The following BACH1 variants were observed in gnomAD, a reference collection of about 807,000 sequenced individuals.
BACH1 encodes the protein transcription regulator protein BACH1.
Under a neutral mutation model 52.9 loss-of-function variants are expected in BACH1, and 35 were observed. The observed-to-expected ratio is 0.66, with a 90% CI of 0.51 to 0.88. BACH1 has a LOEUF of 0.88. BACH1 is among the 40% of genes least tolerant of loss of function. The pLI, the probability that BACH1 is intolerant of heterozygous loss-of-function variation, is 0.00. For synonymous variants in BACH1, 321 were observed against 319.6 expected (o/e 1.00, Z -0.05); for missense variants, 808 against 872.6 (o/e 0.93, Z 0.93).
At chr21:29,359,888 T>C (rs572101619) in intron 2 of BACH1, among the ~76,000 whole-genome samples, 1 of 152,178 alleles carries the variant, frequency 6.6e-6, no homozygotes, top group African/African-American at 2.4e-5. Context: ...ATCATTGCTC[T>C]GCTCACCTGT....
intron 2 of BACH1, among the ~76,000 whole-genome samples, chr21:29,358,764 G>GAA (rs376734947): frequency 3.0e-5 from 2 of 65,706 alleles, no homozygotes; most frequent in African/African-American, 5.6e-5. Flanking sequence ...GAAAAGAAAA[G>GAA]AAAAGAAAAG....
At chr21:29,304,539 A>G (rs1007669911) in intron 1 of BACH1, among the ~76,000 whole-genome samples, 2 of 152,136 alleles carry the variant, frequency 1.3e-5, no homozygotes, top group African/African-American at 4.8e-5. Flanking sequence ...TCCCTCATTA[A>G]AGTGGAATTA....
chr21:29,319,296 A>C (rs573805844), intron 1 of BACH1, among the ~76,000 whole-genome samples: 4 of 152,318 alleles, frequency 2.6e-5, no homozygotes, highest in African/African-American at 9.6e-5. Context: ...GATATCTATG[A>C]GACAGGGTCT....
intron 1 of BACH1, among the ~76,000 whole-genome samples, chr21:29,304,915 A>T (rs1037778184): frequency 2.6e-5 from 4 of 152,368 alleles, no homozygotes; most frequent in Admixed American, 1.3e-4. Flanking sequence ...GTTATAAAAT[A>T]TGTGGCTATA....
At chr21:29,332,371 A>G (rs977444805) in intron 4 of BACH1, among the ~76,000 whole-genome samples, 1 of 152,210 alleles carries the variant, frequency 6.6e-6, no homozygotes, top group African/African-American at 2.4e-5. Flanking sequence ...TTAATTTTCA[A>G]TACAAAGTAA....
intron 1 of BACH1, among the ~76,000 whole-genome samples, chr21:29,309,525 C>A (rs1291912813): frequency 6.6e-6 from 1 of 152,120 alleles, no homozygotes; most frequent in Admixed American, 6.6e-5. Flanking sequence ...TAAATTATTG[C>A]CCTTCTCAAG....
chr21:29,332,131 T>C (rs541001574), intron 4 of BACH1, among the ~76,000 whole-genome samples: 1 of 152,268 alleles, frequency 6.6e-6, no homozygotes, highest in Admixed American at 6.5e-5. Context: ...AACAGGGGCT[T>C]CACCGTGTTA....
At chr21:29,307,850 G>A (rs1203305145) in intron 1 of BACH1, among the ~76,000 whole-genome samples, 1 of 152,234 alleles carries the variant, frequency 6.6e-6, no homozygotes, top group East Asian at 1.9e-4. Context: ...TCTGTGCTGT[G>A]AAAGGCAGAC....
rs527726044 is a variant in BACH1 at position 29,331,719 on chromosome 21, A to T, written c.1776+2026A>T. Among the ~76,000 whole-genome samples, 6 of 152,218 alleles carry T rather than the reference A, an allele frequency of 3.9e-5. No homozygotes were observed. In the South Asian group the frequency reaches 1.2e-3, roughly 32 times the overall value. On this transcript the variant is annotated intron_variant, in intron 4 of 4. Coordinates refer to ENST00000286800, the MANE Select transcript of BACH1 (RefSeq NM_001186.4). Reference sequence around the variant, plus strand: ...AATTTCTCTGTGACTTGGGGTTTTCATCGGAAAAATAGGATAATACTAGTT... The same window carrying T: ...AATTTCTCTGTGACTTGGGGTTTTCTTCGGAAAAATAGGATAATACTAGTT...
At chr21:29,351,431 T>C (rs987908179) in intron 2 of BACH1, among the ~76,000 whole-genome samples, 1 of 152,224 alleles carries the variant, frequency 6.6e-6, no homozygotes, top group Non-Finnish European at 1.5e-5. Context: ...ATAAGCATGC[T>C]TATGTTTTCC....
intron 1 of BACH1, among the ~76,000 whole-genome samples, chr21:29,315,803 T>C (rs541502769): frequency 6.6e-6 from 1 of 152,332 alleles, no homozygotes; most frequent in Admixed American, 6.5e-5. Context: ...ATGATCATTA[T>C]TATCTTTTTT....
intron 1 of BACH1, among the ~76,000 whole-genome samples, chr21:29,309,180 C>T (rs1050661667): frequency 2.6e-5 from 4 of 151,114 alleles, no homozygotes; most frequent in Non-Finnish European, 5.9e-5. Context: ...ATTGCTTGAA[C>T]CTGGGGGACA....
At chr21:29,331,464 C>G (rs991919923) in intron 4 of BACH1, among the ~76,000 whole-genome samples, 4 of 152,080 alleles carry the variant, frequency 2.6e-5, no homozygotes, top group Non-Finnish European at 2.9e-5. Flanking sequence ...AGCTATTATC[C>G]TTTAGAACTA....
rs576994264 is a variant in BACH1, at chr21:29,322,230, G to A, written c.234+716G>A. 2.6e-5 allele frequency among the ~76,000 whole-genome samples: 4 copies of A among 152,268 alleles called. No individual in the cohort carries two copies. In the South Asian group the frequency reaches 8.3e-4, roughly 32 times the overall value. On this transcript the variant is annotated intron_variant, in intron 2 of 4. Coordinates refer to ENST00000286800, the MANE Select transcript of BACH1 (RefSeq NM_001186.4). The stretch of plus-strand genomic sequence containing the variant: ...AAGATAAGATTTGGGTGGGGACACA[G>A]CCAAACCATATCACTAGGTTTAGGG...
chr21:29,353,002 T>C (rs942947490), intron 2 of BACH1, among the ~76,000 whole-genome samples: 29 of 152,062 alleles, frequency 1.9e-4, no homozygotes, highest in Non-Finnish European at 4.1e-4. Context: ...CATGAGCCAC[T>C]GTGTCCAGCC....
intron 1 of BACH1, among the ~76,000 whole-genome samples, chr21:29,313,977 T>C (rs1458752287): frequency 6.6e-6 from 1 of 152,128 alleles, no homozygotes; most frequent in African/African-American, 2.4e-5. Context: ...TCTATATAAA[T>C]CATACCTCAA....
chr21:29,312,262 A>G (rs1045058226), intron 1 of BACH1, among the ~76,000 whole-genome samples: 10 of 151,706 alleles, frequency 6.6e-5, no homozygotes, highest in African/African-American at 2.4e-4. Context: ...TTCTTGTGGG[A>G]GCCTTAACTG....
chr21:29,320,058 T>C (rs2088830590), intron 1 of BACH1, among the ~76,000 whole-genome samples: 1 of 152,192 alleles, frequency 6.6e-6, no homozygotes, highest in Admixed American at 6.5e-5. Context: ...AAATAAGTTG[T>C]GATCCTTAAC....
intron 2 of BACH1, among the ~76,000 whole-genome samples, chr21:29,322,574 T>G (rs1278549546): frequency 6.6e-6 from 1 of 152,200 alleles, no homozygotes; most frequent in Non-Finnish European, 1.5e-5. Flanking sequence ...TAGCAGAGTA[T>G]CAAGGCTGTG....
Sources: gnomAD v4.1 joint callset for allele counts (sites outside exome capture counted in the v4.1 genomes callset) on GRCh38, gnomAD v4.1.1 for gene constraint, MANE v1.5 for transcripts, NCBI Gene and HGNC (gene_info 2026-07-23, HGNC 2026-07-21) for gene names.